GPC5: variants seen among roughly 807,000 people sequenced by gnomAD.
GPC5 encodes glypican-5.
In GPC5, 47 loss-of-function variants were observed where a neutral mutation model predicts 53.9. The observed-to-expected ratio is 0.87, with a 90% CI of 0.69 to 1.11. The LOEUF (loss-of-function observed/expected upper bound fraction) is 1.11, where lower values mean the gene tolerates loss of function less well. Among genes scored for constraint, GPC5 ranks in the 50% most tolerant of loss-of-function variants. The pLI is 0.00. For missense variants in GPC5, 748 were observed against 713.1 expected (o/e 1.05, Z -0.56); for synonymous variants, 286 against 263.3 (o/e 1.09, Z -0.84).
At chr13:92,643,232 G>A (rs894833246) in intron 7 of GPC5, among the ~76,000 whole-genome samples, 1 of 151,964 alleles carries the variant, frequency 6.6e-6, no homozygotes, top group African/African-American at 2.4e-5. Context: ...AGTTTAATTA[G>A]ATCCCATTTG....
intron 6 of GPC5, among the ~76,000 whole-genome samples, chr13:91,928,185 A>G (rs753143790): frequency 3.6e-4 from 55 of 152,160 alleles, no homozygotes; most frequent in Non-Finnish European, 6.8e-4. Flanking sequence ...ACTTCTCTGC[A>G]TGCATCAGCC....
At chr13:91,567,227 A>C (rs935835229) in intron 2 of GPC5, among the ~76,000 whole-genome samples, 1 of 152,116 alleles carries the variant, frequency 6.6e-6, no homozygotes, top group Admixed American at 6.6e-5. Flanking sequence ...GAGTGGTTCA[A>C]CGTGGTATAT....
intron 7 of GPC5, among the ~76,000 whole-genome samples, chr13:92,735,062 A>C (rs1259150364): frequency 6.6e-6 from 1 of 151,988 alleles, no homozygotes; most frequent in Non-Finnish European, 1.5e-5. Flanking sequence ...CTTTTTAATC[A>C]AATTCTCTCT....
At position 91,615,213 on chromosome 13, in the gene GPC5, A is replaced by G. The variant is rs2033663065; in HGVS notation, c.326-77974A>G. 1.3e-5 allele frequency among the ~76,000 whole-genome samples: 2 copies of G among 152,190 alleles called. 1 individual carries two copies. Among genetic ancestry groups the G allele is most frequent in the South Asian group, 4.1e-4 (2 of 4,834 alleles). On this transcript the variant is annotated intron_variant, in intron 2 of 7. Coordinates refer to ENST00000377067, the MANE Select transcript of GPC5 (RefSeq NM_004466.6). Reference sequence around the variant, plus strand: ...TTCTCTCGTAAGAGTCTGTATGAGTAGTTTAATGAATCCAGGCAGTTTACA... The same window carrying G: ...TTCTCTCGTAAGAGTCTGTATGAGTGGTTTAATGAATCCAGGCAGTTTACA...
At chr13:92,324,557 G>A (rs1452830748) in intron 7 of GPC5, among the ~76,000 whole-genome samples, 1 of 151,700 alleles carries the variant, frequency 6.6e-6, no homozygotes, top group African/African-American at 2.4e-5. Context: ...TTTTAATAAC[G>A]ATAAAATACT....
intron 6 of GPC5, among the ~76,000 whole-genome samples, chr13:92,046,699 G>A (rs1182924532): frequency 6.6e-6 from 1 of 152,126 alleles, no homozygotes; most frequent in Non-Finnish European, 1.5e-5. Context: ...TCCTACAAAT[G>A]TAAAGAGGTT....
intron 2 of GPC5, among the ~76,000 whole-genome samples, chr13:91,652,304 A>G (rs2034733369): frequency 6.6e-6 from 1 of 152,152 alleles, no homozygotes; most frequent in Non-Finnish European, 1.5e-5. Flanking sequence ...TTACAATTTC[A>G]TGAATGGAAG....
intron 7 of GPC5, among the ~76,000 whole-genome samples, chr13:92,205,745 G>A (rs944431858): frequency 6.6e-5 from 10 of 152,066 alleles, no homozygotes; most frequent in African/African-American, 4.8e-5. Context: ...ACAGTGATAC[G>A]TTTATAAAAC....
chr13:92,381,170 C>A (rs748925724), intron 7 of GPC5, among the ~76,000 whole-genome samples: 1 of 152,156 alleles, frequency 6.6e-6, no homozygotes, highest in Non-Finnish European at 1.5e-5. Context: ...TCTTCCTGGT[C>A]TGAGCATTGT....
At chr13:92,618,687 T>TA (rs5805756) in intron 7 of GPC5, among the ~76,000 whole-genome samples, 29,817 of 137,878 alleles carry the variant, frequency 0.22, 3,566 homozygotes, top group Middle Eastern at 0.3. Flanking sequence ...TAAAAAATGT[T>TA]AAAAAAAAAA....
intron 2 of GPC5, among the ~76,000 whole-genome samples, chr13:91,455,935 C>T (rs1566414478): frequency 6.6e-6 from 1 of 152,096 alleles, no homozygotes; most frequent in Non-Finnish European, 1.5e-5. Context: ...AGACCACATA[C>T]TTTCAATAAT....
intron 6 of GPC5, among the ~76,000 whole-genome samples, chr13:92,121,564 C>A (rs2041649465): frequency 6.6e-6 from 1 of 152,182 alleles, no homozygotes; most frequent in Non-Finnish European, 1.5e-5. Context: ...CATAGCTGTT[C>A]CCATATGCAA....
intron 7 of GPC5, among the ~76,000 whole-genome samples, chr13:92,261,914 G>A (rs1056865720): frequency 2.6e-5 from 4 of 151,952 alleles, no homozygotes; most frequent in Non-Finnish European, 4.4e-5. Flanking sequence ...TGTAAATGTC[G>A]GCATCTCTAC....
intron 5 of GPC5, among the ~76,000 whole-genome samples, chr13:91,796,143 T>A (rs751993676): frequency 1.6e-4 from 25 of 152,088 alleles, no homozygotes; most frequent in Non-Finnish European, 3.2e-4. Context: ...TGGTGAGTGT[T>A]ATACCTCTAT....
intron 7 of GPC5, among the ~76,000 whole-genome samples, chr13:92,336,630 G>C (rs970057001): frequency 1.3e-5 from 2 of 152,122 alleles, no homozygotes; most frequent in Non-Finnish European, 2.9e-5. Flanking sequence ...CATTTCCATA[G>C]TAAAGTTATA....
At position 91,398,750 on chromosome 13, in the gene GPC5, G is replaced by T. The variant is rs1391432455; in HGVS notation, c.-297G>T. On this transcript the variant is annotated 5_prime_UTR_variant, in exon 1 of 8. Transcript: ENST00000377067. ...TGGTGGCCAGAGCGGATGCTTGCGG[G>T]CTCCCTGCGGCTCCACTAGTTTTCT... 2 of 360,026 alleles carry T rather than the reference G, an allele frequency of 5.6e-6. No homozygotes were observed. Among genetic ancestry groups the T allele is most frequent in the East Asian group, 4.7e-5 (1 of 21,098 alleles). The allele number at this position is 360,026 out of a possible 1,614,324, so 22.3% of individuals were successfully genotyped here.
At chr13:92,536,352 C>T (rs1304792419) in intron 7 of GPC5, among the ~76,000 whole-genome samples, 2 of 151,830 alleles carry the variant, frequency 1.3e-5, no homozygotes, top group Non-Finnish European at 2.9e-5. Context: ...GTAGAAGAAC[C>T]CAATGTTAAT....
intron 3 of GPC5, among the ~76,000 whole-genome samples, chr13:91,717,716 C>T (rs1193646212): frequency 6.6e-6 from 1 of 151,908 alleles, no homozygotes; most frequent in South Asian, 2.1e-4. Context: ...GCCATCATGC[C>T]CGGCTAATTT....
At chr13:92,171,885 A>G (rs1487237012) in intron 7 of GPC5, among the ~76,000 whole-genome samples, 1 of 152,136 alleles carries the variant, frequency 6.6e-6, no homozygotes, top group Non-Finnish European at 1.5e-5. Context: ...TTCCTATCTT[A>G]ATGACTGTTA....
Sources: allele counts gnomAD v4.1 joint callset (sites outside exome capture counted in the v4.1 genomes callset), GRCh38; gene constraint gnomAD v4.1.1; transcripts MANE v1.5; gene names NCBI Gene and HGNC (gene_info 2026-07-23, HGNC 2026-07-21).